The following TENM2 variants were observed in gnomAD, a reference collection of about 807,000 sequenced individuals.
TENM2 encodes the protein teneurin-2.
TENM2 carries 52 observed loss-of-function variants against 245.2 expected under a neutral mutation model. The observed-to-expected ratio is 0.21, with a 90% CI of 0.17 to 0.27. The LOEUF (loss-of-function observed/expected upper bound fraction) is 0.27. Among genes scored for constraint, TENM2 ranks in the 10% least tolerant of loss-of-function variants. TENM2 has a pLI of 1.00. For missense variants in TENM2, 3,046 were observed against 3,666.8 expected (o/e 0.83, Z 4.37); for synonymous variants, 1,363 against 1,438.9 (o/e 0.95, Z 1.19).
At chr5:167,992,902 G>T in intron 4 of TENM2, 42 bp from the exon 7 acceptor site, 1 of 1,506,588 alleles carries the variant, frequency 6.6e-7, no homozygotes, top group Non-Finnish European at 9.2e-7. Flanking sequence ...GTTGCTCCTT[G>T]GCTACCCATG....
At chr5:168,094,068 A>G (rs1212413554) in intron 8 of TENM2, among the ~76,000 whole-genome samples, 1 of 152,094 alleles carries the variant, frequency 6.6e-6, no homozygotes, top group Admixed American at 6.6e-5. Context: ...ACTATTTACC[A>G]AGGACCTATT....
rs553977655 is a variant in TENM2, at chr5:167,746,821, T to C, written c.503-129165T>C. 3.9e-5 allele frequency among the ~76,000 whole-genome samples: 6 copies of C among 152,146 alleles called. No homozygotes were observed. In the East Asian group the frequency reaches 7.9e-4, roughly 20 times the overall value. ...GATAATCTGCAGATATGTGTGTGTG[T>C]GCGTCTATGTGTGTGTGCGTGTGTG... On this transcript the variant is annotated intron_variant, in intron 2 of 28. Transcript: ENST00000518659.
chr5:168,252,615 G>A (rs779097594), intron 27 of TENM2, among the ~76,000 whole-genome samples: 3 of 151,514 alleles, frequency 2.0e-5, no homozygotes, highest in Non-Finnish European at 2.9e-5. Flanking sequence ...AGGCCGAGGC[G>A]GGTGGATCAC....
chr5:167,347,442 A>G (rs528879729), intron 1 of TENM2, among the ~76,000 whole-genome samples: 1 of 152,318 alleles, frequency 6.6e-6, no homozygotes, highest in East Asian at 1.9e-4. Context: ...TGTAGTCTAC[A>G]TTGGCAAATA....
chr5:167,281,405 G>A (rs556204138), upstream of TENM2, among the ~76,000 whole-genome samples: 1 of 151,650 alleles, frequency 6.6e-6, no homozygotes, highest in Admixed American at 6.6e-5. Context: ...GTGAGCCACC[G>A]CACCAGGCTG....
At chr5:166,980,290 C>CACGT in the TENM2 span, among the ~76,000 whole-genome samples, 1 of 152,104 alleles carries the variant, frequency 6.6e-6, no homozygotes. Context: ...AATTGTGAGA[C>CACGT]ACGTACAGCA....
intron 2 of TENM2, among the ~76,000 whole-genome samples, chr5:167,652,751 G>A (rs1582658139): frequency 1.3e-5 from 2 of 152,110 alleles, no homozygotes; most frequent in Admixed American, 1.3e-4. Context: ...CATTTCTACT[G>A]CCACAGTCGT....
At chr5:167,629,656 A>G (rs1026671264) in intron 2 of TENM2, among the ~76,000 whole-genome samples, 13 of 152,360 alleles carry the variant, frequency 8.5e-5, no homozygotes, top group Admixed American at 2.0e-4. Context: ...TGGAGTGATA[A>G]TAACATTCCA....
the TENM2 span, among the ~76,000 whole-genome samples, chr5:167,016,462 G>A: frequency 6.6e-6 from 1 of 151,976 alleles, no homozygotes; most frequent in African/African-American, 2.4e-5. Context: ...TCCTGATTAT[G>A]TGAATACAAT....
intron 4 of TENM2, among the ~76,000 whole-genome samples, chr5:167,987,086 A>G (rs956554560): frequency 7.9e-5 from 12 of 152,206 alleles, no homozygotes; most frequent in Non-Finnish European, 1.5e-4. Context: ...CATTTGCCTT[A>G]TCTGTTTTTA....
At chr5:168,013,740 G>T (rs1352764831) in intron 5 of TENM2, among the ~76,000 whole-genome samples, 1 of 152,200 alleles carries the variant, frequency 6.6e-6, no homozygotes, top group East Asian at 1.9e-4. Flanking sequence ...GTATTAGTTT[G>T]CAAGGGCTGC....
chr5:167,842,967 G>A (rs1346238732), intron 2 of TENM2, among the ~76,000 whole-genome samples: 4 of 152,152 alleles, frequency 2.6e-5, no homozygotes, highest in Non-Finnish European at 2.9e-5. Flanking sequence ...TTTAGGACAC[G>A]ATGAAATGCC....
chr5:168,076,876 T>TAC (rs1212058438), intron 7 of TENM2, among the ~76,000 whole-genome samples: 2 of 152,094 alleles, frequency 1.3e-5, no homozygotes, highest in East Asian at 1.9e-4. Flanking sequence ...GTCCTGTGAA[T>TAC]ACACACACAC....
intron 2 of TENM2, among the ~76,000 whole-genome samples, chr5:167,466,939 T>A (rs1035923877): frequency 1.3e-5 from 2 of 152,202 alleles, no homozygotes; most frequent in African/African-American, 4.8e-5. Flanking sequence ...TTTAGCCATA[T>A]GTCATACACT....
At chr5:167,567,567 G>A (rs569917077) in intron 2 of TENM2, among the ~76,000 whole-genome samples, 4 of 152,230 alleles carry the variant, frequency 2.6e-5, no homozygotes, top group African/African-American at 7.2e-5. Flanking sequence ...ATGTATAAAC[G>A]ATTGGGGGAA....
chr5:167,764,544 TCC>T (rs1762877997), intron 2 of TENM2, among the ~76,000 whole-genome samples: 2 of 152,164 alleles, frequency 1.3e-5, no homozygotes, highest in African/African-American at 4.8e-5. Context: ...TAGAGAGAGT[TCC>T]CACTCTTGCC....
At chr5:167,755,859 T>C (rs754087846) in intron 2 of TENM2, among the ~76,000 whole-genome samples, 4 of 152,202 alleles carry the variant, frequency 2.6e-5, no homozygotes, top group Non-Finnish European at 4.4e-5. Context: ...TTGACAAATC[T>C]TCAGGTGTAC....
chr5:167,794,200 A>T (rs562793799), intron 2 of TENM2, among the ~76,000 whole-genome samples: 1 of 152,198 alleles, frequency 6.6e-6, no homozygotes, highest in East Asian at 1.9e-4. Flanking sequence ...CTACAAACAC[A>T]CATTACACAA....
chr5:167,298,456 A>G (rs903642667), intron 1 of TENM2, among the ~76,000 whole-genome samples: 1 of 152,142 alleles, frequency 6.6e-6, no homozygotes, highest in African/African-American at 2.4e-5. Context: ...ACAAAAAATT[A>G]GCCGGGCGAG....
Sources: gnomAD v4.1 joint callset for allele counts (sites outside exome capture counted in the v4.1 genomes callset) on GRCh38, gnomAD v4.1.1 for gene constraint, MANE v1.5 for transcripts, NCBI Gene and HGNC (gene_info 2026-07-23, HGNC 2026-07-21) for gene names.